PDS5B: variants seen among roughly 807,000 people sequenced by gnomAD.
PDS5B encodes sister chromatid cohesion protein PDS5 homolog B.
PDS5B carries 51 observed loss-of-function variants against 184.1 expected under a neutral mutation model. The observed-to-expected ratio is 0.28, with a 90% CI of 0.22 to 0.35. The LOEUF (loss-of-function observed/expected upper bound fraction) is 0.35. PDS5B is among the 10% of genes least tolerant of loss of function. The pLI is 1.00. For synonymous variants in PDS5B, 566 were observed against 569.2 expected (o/e 0.99, Z 0.08); for missense variants, 1,180 against 1,723.3 (o/e 0.68, Z 5.58).
Position 32,730,942 on chromosome 13 carries a change from TTCTC to T in PDS5B, c.2124-1157_2124-1154del, listed in dbSNP as rs745868207. ...TCCTACTTGAATACTCTTTGTTTCT[TTCTC>T]TTGCCTGATTGCCCTGGCCAGAACT... On this transcript the variant is annotated intron_variant, in intron 19 of 34. Coordinates refer to ENST00000315596, the MANE Select transcript of PDS5B (RefSeq NM_015032.4). Among the ~76,000 whole-genome samples the T allele has an allele frequency of 1.1e-4, 17 of 152,250 alleles. 1 individual carries two copies. Among genetic ancestry groups the T allele is most frequent in the Non-Finnish European group, 2.5e-4 (17 of 68,044 alleles).
At chr13:32,668,261 A>G (rs1454678315) in intron 7 of PDS5B, among the ~76,000 whole-genome samples, 1 of 152,208 alleles carries the variant, frequency 6.6e-6, no homozygotes, top group Non-Finnish European at 1.5e-5. Context: ...AGACCTAGAA[A>G]TTGAAGGCAA....
At chr13:32,674,267 A>G (rs1951011047) in intron 8 of PDS5B, among the ~76,000 whole-genome samples, 1 of 152,184 alleles carries the variant, frequency 6.6e-6, no homozygotes, top group African/African-American at 2.4e-5. Context: ...GGACCCAGAA[A>G]AGTTCTTAAA....
At chr13:32,590,974 A>G (rs2057765342) in intron 1 of PDS5B, among the ~76,000 whole-genome samples, 2 of 152,002 alleles carry the variant, frequency 1.3e-5, no homozygotes, top group Admixed American at 6.6e-5. Context: ...AAAAAAAAAA[A>G]AAATTTAATG....
intron 1 of PDS5B, among the ~76,000 whole-genome samples, chr13:32,611,165 C>T (rs539402306): frequency 2.6e-5 from 4 of 152,262 alleles, no homozygotes; most frequent in Admixed American, 2.6e-4. Context: ...TAAGCGTTTT[C>T]TGCATAGTCA....
intron 1 of PDS5B, among the ~76,000 whole-genome samples, chr13:32,628,712 T>TACACACTTGAGTATAATGCCTTTCCCA (rs1443713497): frequency 6.6e-6 from 1 of 152,202 alleles, no homozygotes; most frequent in East Asian, 1.9e-4. Context: ...TGCACACACA[T>TACACACTTGAGTATAATGCCTTTCCCA]ACACACTTGA....
chr13:32,620,102 G>C (rs1348198306), intron 1 of PDS5B, among the ~76,000 whole-genome samples: 1 of 151,976 alleles, frequency 6.6e-6, no homozygotes, highest in African/African-American at 2.4e-5. Flanking sequence ...CCCGGCCCTG[G>C]TTAGATTTTT....
intron 1 of PDS5B, among the ~76,000 whole-genome samples, chr13:32,615,184 A>G (rs1799297480): frequency 6.6e-6 from 1 of 152,178 alleles, no homozygotes; most frequent in African/African-American, 2.4e-5. Context: ...AAATTGACTC[A>G]TATCTATATA....
intron 1 of PDS5B, among the ~76,000 whole-genome samples, chr13:32,640,123 ATAT>A (rs2058633015): frequency 6.6e-6 from 1 of 152,218 alleles, no homozygotes; most frequent in South Asian, 2.1e-4. Context: ...ATGTCTGATA[ATAT>A]TAAAGAATGA....
At chr13:32,764,763 T>C (rs771566140) in intron 31 of PDS5B, among the ~76,000 whole-genome samples, 169 bp downstream of exon 31, 1 of 152,206 alleles carries the variant, frequency 6.6e-6, no homozygotes, top group Non-Finnish European at 1.5e-5. Flanking sequence ...AATTTAAGTA[T>C]ATAGAATCTG....
At chr13:32,688,788 A>C in intron 13 of PDS5B, 1 of 456,696 alleles carries the variant, frequency 2.2e-6, no homozygotes, top group East Asian at 3.6e-5. Context: ...GCTGATTGAC[A>C]TGAAATCTTT....
intron 1 of PDS5B, among the ~76,000 whole-genome samples, chr13:32,608,969 G>A (rs1265863863): frequency 6.6e-6 from 1 of 152,136 alleles, no homozygotes; most frequent in African/African-American, 2.4e-5. Context: ...TTCTTTTGAG[G>A]CGAACCCTAA....
chr13:32,635,806 C>A (rs890424929), intron 1 of PDS5B, among the ~76,000 whole-genome samples: 1 of 140,068 alleles, frequency 7.1e-6, no homozygotes. Context: ...CTTGCTCTGT[C>A]GCCCAGGCTG....
chr13:32,667,279 C>CT (rs1262591942), intron 6 of PDS5B, among the ~76,000 whole-genome samples: 7 of 152,156 alleles, frequency 4.6e-5, no homozygotes, highest in African/African-American at 1.7e-4. Context: ...TATCCTTTGA[C>CT]TTACCTGTGC....
chr13:32,679,877 G>T (rs931260158), intron 10 of PDS5B, among the ~76,000 whole-genome samples: 1 of 115,024 alleles, frequency 8.7e-6, no homozygotes. Flanking sequence ...TTTCCTCTTC[G>T]TCTGTGAGTG....
intron 5 of PDS5B, among the ~76,000 whole-genome samples, 159 bp from the exon 6 acceptor site, chr13:32,658,995 A>G (rs568068666): frequency 9.8e-5 from 15 of 152,304 alleles, no homozygotes; most frequent in African/African-American, 3.4e-4. Context: ...ATACTTTTGT[A>G]TGATGTGGGA....
chr13:32,648,684 T>TA (rs2140654263), intron 1 of PDS5B, 70 bp from the exon 2 acceptor site: 1 of 678,038 alleles, frequency 1.5e-6, no homozygotes, highest in East Asian at 2.6e-5. Flanking sequence ...TGGGGAAGGT[T>TA]ACCATTTATG....
intron 24 of PDS5B, among the ~76,000 whole-genome samples, chr13:32,747,931 A>G (rs1953819074): frequency 6.6e-6 from 1 of 152,210 alleles, no homozygotes; most frequent in African/African-American, 2.4e-5. Context: ...ACTCTAAGTA[A>G]AAAGCATCCA....
chr13:32,649,061 A>AT (rs953390333), intron 2 of PDS5B, 181 bp downstream of exon 2: 1 of 513,548 alleles, frequency 1.9e-6, no homozygotes, highest in African/African-American at 2.0e-5. Flanking sequence ...TTTGGCTATG[A>AT]TTAAAGGGAC....
At chr13:32,679,882 T>TGA (rs1377990614) in intron 10 of PDS5B, among the ~76,000 whole-genome samples, 4 of 99,954 alleles carry the variant, frequency 4.0e-5, no homozygotes, top group Non-Finnish European at 5.6e-5. Flanking sequence ...TCTTCGTCTG[T>TGA]GAGTGTGTGT....
Sources: gnomAD v4.1 joint callset for allele counts (sites outside exome capture counted in the v4.1 genomes callset) on GRCh38, gnomAD v4.1.1 for gene constraint, MANE v1.5 for transcripts, NCBI Gene and HGNC (gene_info 2026-07-23, HGNC 2026-07-21) for gene names.